The following TMC5 variants were observed in gnomAD, a reference collection of about 807,000 sequenced individuals.
The protein encoded by TMC5 is transmembrane channel like 5, also known as transmembrane channel-like protein 5.
Under a neutral mutation model 110.5 loss-of-function variants are expected in TMC5, and 86 were observed. The ratio of observed to expected loss-of-function variants is 0.78; its 90% CI spans 0.65 to 0.93. The LOEUF is 0.93. Ranked by LOEUF, TMC5 falls within the 40% of genes least tolerant of loss-of-function variation. The pLI, the probability that TMC5 is intolerant of heterozygous loss-of-function variation, is 0.00. For missense variants in TMC5, 1,144 were observed against 1,222.8 expected (o/e 0.94, Z 0.96); for synonymous variants, 455 against 439.5 (o/e 1.04, Z -0.44).
intron 5 of TMC5, among the ~76,000 whole-genome samples, chr16:19,459,444 C>T (rs7198723): frequency 0.79 from 119,509 of 151,974 alleles, 47,283 homozygotes; most frequent in South Asian, 0.94. Context: ...AGAAGTCTCT[C>T]GAACCTGGGG....
chr16:19,416,599 T>C (rs1411330416), upstream of TMC5, among the ~76,000 whole-genome samples: 1 of 152,080 alleles, frequency 6.6e-6, no homozygotes, highest in Non-Finnish European at 1.5e-5. Flanking sequence ...GGGGAGGAAA[T>C]TGAGGCTCAG....
At chr16:19,468,668 A>T (rs1968248450) in intron 9 of TMC5, among the ~76,000 whole-genome samples, 1 of 152,126 alleles carries the variant, frequency 6.6e-6, no homozygotes, top group South Asian at 2.1e-4. Context: ...TAGCAGGGAG[A>T]TGGGAAGATG....
In TMC5 at chr16:19,460,731, CA is replaced by C. The variant is rs1265501298; in HGVS notation, c.1148+398del. Among the ~76,000 whole-genome samples, 4 of 152,210 alleles carry C rather than the reference CA, an allele frequency of 2.6e-5. No individual in the cohort carries two copies. In the East Asian group the frequency reaches 7.7e-4, roughly 29 times the overall value. ...CTAAAACCCACAACCCCAGTCTAAA[CA>C]GCGAAAAACATTAGGCAAATCCCAA... On this transcript the variant is annotated intron_variant, in intron 6 of 21. Coordinates refer to ENST00000542583, the MANE Select transcript of TMC5 (RefSeq NM_001261841.2).
At chr16:19,436,027 C>T (rs757402001) in intron 2 of TMC5, among the ~76,000 whole-genome samples, 1 of 151,910 alleles carries the variant, frequency 6.6e-6, no homozygotes, top group African/African-American at 2.4e-5. Flanking sequence ...TTTGGGAGGC[C>T]GAGGTAGGTG....
intron 4 of TMC5, among the ~76,000 whole-genome samples, chr16:19,444,793 CAT>C (rs1426101871): frequency 2.0e-5 from 3 of 152,292 alleles, no homozygotes; most frequent in East Asian, 3.9e-4. Flanking sequence ...GCTCTGCCCT[CAT>C]GTTATTTAAA....
chr16:19,484,093 A>G (rs1226697655), intron 15 of TMC5, among the ~76,000 whole-genome samples: 4 of 152,106 alleles, frequency 2.6e-5, no homozygotes, highest in Admixed American at 2.6e-4. Flanking sequence ...AAAAAAAAAA[A>G]AAAAAAGAAT....
chr16:19,412,658 G>GCGCCGGGC (rs1966858796), intron 1 of TMC5, among the ~76,000 whole-genome samples: 1 of 151,900 alleles, frequency 6.6e-6, no homozygotes, highest in Non-Finnish European at 1.5e-5. Flanking sequence ...GTGAGCCACC[G>GCGCCGGGC]CACCCAGCCC....
intron 2 of TMC5, among the ~76,000 whole-genome samples, chr16:19,436,169 G>A (rs2143442112): frequency 6.7e-6 from 1 of 150,022 alleles, no homozygotes; most frequent in African/African-American, 2.5e-5. Context: ...GGCTGAGGCA[G>A]AGAATTGCTT....
At chr16:19,423,514 C>A (rs1383378813) in intron 1 of TMC5, among the ~76,000 whole-genome samples, 1 of 152,200 alleles carries the variant, frequency 6.6e-6, no homozygotes, top group Non-Finnish European at 1.5e-5. Context: ...CTACCCCCTG[C>A]ATTTCCCCAC....
intron 5 of TMC5, among the ~76,000 whole-genome samples, chr16:19,457,706 A>ATTTTTTTTTTTTT (rs1555483103): frequency 2.4e-5 from 1 of 41,078 alleles, no homozygotes; most frequent in Non-Finnish European, 8.0e-5. Flanking sequence ...CCAAGACTAC[A>ATTTTTTTTTTTTT]TTCTTTTTTT....
intron 15 of TMC5, 116 bp from the exon 16 acceptor site, chr16:19,486,829 G>A (rs2143730130): frequency 5.9e-6 from 5 of 852,074 alleles, no homozygotes; most frequent in African/African-American, 1.7e-5. Flanking sequence ...TATGGATTTT[G>A]GGGACACACA....
chr16:19,419,690 G>A lies in TMC5; in HGVS notation c.-308+1598G>A, dbSNP rs189145776. 2.6e-5 allele frequency among the ~76,000 whole-genome samples: 4 copies of A among 152,168 alleles called. No homozygotes were observed. In the East Asian group the frequency reaches 7.8e-4, roughly 30 times the overall value. On this transcript the variant is annotated intron_variant, in intron 1 of 21. Transcript: ENST00000542583. ...GCCTCCCAAAGTGCTGGGATTACAG[G>A]CGTGAGCCACCGCGCCGGGCCACTA...
chr16:19,462,331 C>T (rs1407290498), intron 6 of TMC5, among the ~76,000 whole-genome samples: 1 of 152,184 alleles, frequency 6.6e-6, no homozygotes, highest in Non-Finnish European at 1.5e-5. Flanking sequence ...CCCCTCTCCA[C>T]TCCTTAGTTT....
Position 19,439,975 on chromosome 16 carries a change from G to A in TMC5, c.-64G>A. On this transcript the variant is annotated 5_prime_UTR_variant, in exon 3 of 22. Transcript: ENST00000542583. ...TGTTTTTCAGGTGAAAAAAAAAAAA[G>A]ATCCCTGAGTAATTGCAAATGCTGG... The A allele has an allele frequency of 1.6e-5, 20 of 1,234,814 alleles. No homozygotes were observed. The highest frequency in any genetic ancestry group is 1.3e-4 in the South Asian group (8 of 61,432). The allele number at this position is 1,234,814 out of a possible 1,614,324, so 76.5% of individuals were successfully genotyped here.
chr16:19,490,611 C>T, intron 18 of TMC5, 43 bp downstream of exon 18: 1 of 1,605,040 alleles, frequency 6.2e-7, no homozygotes, highest in Non-Finnish European at 8.5e-7. Flanking sequence ...AAGCCAGGAG[C>T]TCTCGAGGGA....
At chr16:19,452,050 C>T (rs1274275770) in intron 5 of TMC5, among the ~76,000 whole-genome samples, 3 of 152,146 alleles carry the variant, frequency 2.0e-5, no homozygotes, top group Non-Finnish European at 2.9e-5. Context: ...CTGCCCACCT[C>T]GGCTTCCCAA....
rs540522933 is a variant in TMC5 at position 19,489,363 on chromosome 16, C to A, written c.2574-1032C>A. On this transcript the variant is annotated intron_variant, in intron 17 of 21. Coordinates refer to ENST00000542583, the MANE Select transcript of TMC5 (RefSeq NM_001261841.2). ...ATTTTTTATTTTTTTGAGACAGAGT[C>A]TCACTCTGTCATCCAGGCTGGAGTG... Among the ~76,000 whole-genome samples, 4 of 152,160 alleles carry A rather than the reference C, an allele frequency of 2.6e-5. No individual in the cohort carries two copies. The South Asian group carries it at 8.3e-4, about 32-fold the overall frequency.
chr16:19,497,063 A>T (rs377329880), intron 20 of TMC5, 58 bp from the exon 21 acceptor site: 13 of 1,591,730 alleles, frequency 8.2e-6, no homozygotes, highest in African/African-American at 2.7e-5. Context: ...ATATGTGACA[A>T]GACCCAGAAT....
At chr16:19,492,270 T>C (rs1968926994) in intron 19 of TMC5, 42 bp downstream of exon 19, 19 of 1,437,546 alleles carry the variant, frequency 1.3e-5, no homozygotes, top group Non-Finnish European at 1.9e-5. Context: ...CCTCACCCTT[T>C]TTAAACGCTG....
Sources: allele counts gnomAD v4.1 joint callset (sites outside exome capture counted in the v4.1 genomes callset), GRCh38; gene constraint gnomAD v4.1.1; transcripts MANE v1.5; gene names NCBI Gene and HGNC (gene_info 2026-07-23, HGNC 2026-07-21).